Variants in DENND2B observed in about 807,000 individuals in gnomAD.
DENND2B encodes the protein DENN domain-containing protein 2B.
DENND2B carries 32 observed loss-of-function variants against 116.0 expected under a neutral mutation model. That is an observed-to-expected ratio of 0.28 (90% CI 0.21 to 0.37). The LOEUF (loss-of-function observed/expected upper bound fraction) is 0.37, where lower values mean the gene tolerates loss of function less well. DENND2B is among the 10% of genes least tolerant of loss of function. DENND2B has a pLI of 1.00. For missense variants in DENND2B, 1,276 were observed against 1,477.7 expected (o/e 0.86, Z 2.24); for synonymous variants, 588 against 583.9 (o/e 1.01, Z -0.10).
intron 3 of DENND2B, among the ~76,000 whole-genome samples, chr11:8,843,528 C>T (rs1341969698): frequency 3.3e-5 from 5 of 152,194 alleles, no homozygotes; most frequent in Non-Finnish European, 7.3e-5. Context: ...AGATGGAAAA[C>T]AGTCACTGGG....
At chr11:8,805,812 C>T (rs558752664) in intron 1 of DENND2B, among the ~76,000 whole-genome samples, 1 of 152,162 alleles carries the variant, frequency 6.6e-6, no homozygotes, top group East Asian at 1.9e-4. Context: ...AAGGCCCATA[C>T]TTGATACTTC....
At chr11:8,901,232 T>TTCTTTTC (rs1383580426) in intron 1 of DENND2B, among the ~76,000 whole-genome samples, 105 of 82,758 alleles carry the variant, frequency 1.3e-3, no homozygotes, top group East Asian at 3.1e-3. Context: ...TTCTTTTCTT[T>TTCTTTTC]TTTTTTTTTT....
intron 2 of DENND2B, among the ~76,000 whole-genome samples, chr11:8,735,605 C>T (rs1186822476): frequency 6.6e-6 from 1 of 152,246 alleles, no homozygotes; most frequent in Non-Finnish European, 1.5e-5. Flanking sequence ...CACAGGCCAG[C>T]TTAGCTTCCA....
At chr11:8,844,307 G>A (rs2062727909) in intron 3 of DENND2B, among the ~76,000 whole-genome samples, 1 of 152,184 alleles carries the variant, frequency 6.6e-6, no homozygotes, top group African/African-American at 2.4e-5. Flanking sequence ...AGGCTAGGTG[G>A]GAGGATGGCT....
intron 1 of DENND2B, among the ~76,000 whole-genome samples, chr11:8,754,908 C>A (rs2053341133): frequency 6.6e-6 from 1 of 152,138 alleles, no homozygotes; most frequent in African/African-American, 2.4e-5. Flanking sequence ...TACGGGGTTT[C>A]TTTTTGGGGT....
At chr11:8,820,666 G>A (rs2134543175) in intron 4 of DENND2B, among the ~76,000 whole-genome samples, 1 of 152,274 alleles carries the variant, frequency 6.6e-6, no homozygotes, top group African/African-American at 2.4e-5. Flanking sequence ...TATCTTTACT[G>A]TATGTGATGC....
At chr11:8,774,376 C>T (rs2057342098) in intron 1 of DENND2B, 4 of 954,716 alleles carry the variant, frequency 4.2e-6, no homozygotes, top group Middle Eastern at 5.3e-4. Flanking sequence ...GAAACATGTT[C>T]TCCTTCCTGC....
At chr11:8,873,312 G>A (rs1199615409), upstream of DENND2B, among the ~76,000 whole-genome samples, 1 of 152,208 alleles carries the variant, frequency 6.6e-6, no homozygotes, top group Non-Finnish European at 1.5e-5. Context: ...CTGAAGCAAT[G>A]TAAGAGGGCA....
At chr11:8,776,144 GCGCA>G (rs747870200) in intron 1 of DENND2B, 4,002 of 189,556 alleles carry the variant, frequency 0.021, 128 homozygotes, top group African/African-American at 0.07. Context: ...ACGCACGTGC[GCGCA>G]CGCGCGCGCG....
Position 8,702,546 on chromosome 11 carries a change from T to G in DENND2B, c.2720+26A>C, listed in dbSNP as rs1205974841. ...TGGGTGTGCCTTCCCCCCTCCCTTC[T>G]GCTTTCTTGCCCGGCTGGGCCCTAC... On this transcript the variant is annotated intron_variant, in intron 14 of 19. Coordinates refer to ENST00000313726, the MANE Select transcript of DENND2B (RefSeq NM_213618.2). The surrounding 1 kb of genome is among the most constrained non-coding windows in gnomAD (Gnocchi z 4.6). 4 of 1,608,182 alleles carry G rather than the reference T, an allele frequency of 2.5e-6. No homozygotes were observed. The highest frequency in any genetic ancestry group is 3.4e-6 in the Non-Finnish European group (4 of 1,179,926).
At chr11:8,883,731 G>T (rs1056790376) in intron 1 of DENND2B, among the ~76,000 whole-genome samples, 37 of 152,188 alleles carry the variant, frequency 2.4e-4, no homozygotes, top group African/African-American at 8.7e-4. Context: ...ATTTTCATCA[G>T]AAGCTTTTTC....
Position 8,797,466 on chromosome 11 carries a change from CCT to C in DENND2B, c.-26+13049_-26+13050del, listed in dbSNP as rs1169580126. Among the ~76,000 whole-genome samples the C allele has an allele frequency of 2.7e-3, 354 of 128,962 alleles. 8 individuals carry two copies. Among genetic ancestry groups the C allele is most frequent in the East Asian group, 6.2e-3 (24 of 3,876 alleles). The allele number at this position is 128,962 out of a possible 152,430, so 84.6% of individuals were successfully genotyped here. On this transcript the variant is annotated intron_variant, in intron 1 of 19. Transcript: ENST00000313726. ...CTTCCCCCTTCTTCCTCCTTCTTCC[CCT>C]TTCTTCCCCTTCTTCCCTCTTCTTT...
At chr11:8,758,655 A>G (rs947023682) in intron 1 of DENND2B, among the ~76,000 whole-genome samples, 1 of 152,218 alleles carries the variant, frequency 6.6e-6, no homozygotes, top group African/African-American at 2.4e-5. Context: ...CTTCTTTTGA[A>G]AAATGAGAAA....
intron 4 of DENND2B, among the ~76,000 whole-genome samples, chr11:8,824,885 GAC>G (rs2061917175): frequency 7.0e-6 from 1 of 143,462 alleles, no homozygotes; most frequent in Non-Finnish European, 1.5e-5. Flanking sequence ...TTTTAGTAGA[GAC>G]ACGGTTTCGC....
intron 1 of DENND2B, among the ~76,000 whole-genome samples, chr11:8,805,448 G>T (rs1240984375): frequency 5.3e-5 from 8 of 152,188 alleles, no homozygotes; most frequent in African/African-American, 1.9e-4. Flanking sequence ...TAGCTGACTT[G>T]ATAGTTTTTT....
At chr11:8,901,652 A>G (rs552568308) in intron 1 of DENND2B, among the ~76,000 whole-genome samples, 61 of 152,314 alleles carry the variant, frequency 4.0e-4, no homozygotes, top group African/African-American at 1.3e-3. Flanking sequence ...ACATTTTGAT[A>G]TATCACATCT....
intron 1 of DENND2B, among the ~76,000 whole-genome samples, chr11:8,773,331 G>A (rs1263286599): frequency 1.3e-5 from 2 of 152,092 alleles, no homozygotes; most frequent in Non-Finnish European, 2.9e-5. Context: ...ACCATACAAG[G>A]ACAGACTCGA....
At chr11:8,805,824 G>A (rs2060789212) in intron 1 of DENND2B, among the ~76,000 whole-genome samples, 1 of 152,134 alleles carries the variant, frequency 6.6e-6, no homozygotes, top group South Asian at 2.1e-4. Context: ...TGATACTTCT[G>A]CGTTCCTCCC....
chr11:8,905,319 C>T (rs1653556541), intron 1 of DENND2B, among the ~76,000 whole-genome samples: 1 of 152,052 alleles, frequency 6.6e-6, no homozygotes, highest in African/African-American at 2.4e-5. Context: ...ACAAATGATA[C>T]TGAGAAAATT....
Sources: allele counts gnomAD v4.1 joint callset (sites outside exome capture counted in the v4.1 genomes callset), GRCh38; gene constraint gnomAD v4.1.1; non-coding constraint Gnocchi (gnomAD v3.1); transcripts MANE v1.5; gene names NCBI Gene and HGNC (gene_info 2026-07-23, HGNC 2026-07-21).